The following NBAS variants were observed in gnomAD, a reference collection of about 807,000 sequenced individuals.
The protein encoded by NBAS is NBAS subunit of NRZ tethering complex.
In NBAS, 219 loss-of-function variants were observed where a neutral mutation model predicts 302.5. That is an observed-to-expected ratio of 0.72 (90% CI 0.65 to 0.81). NBAS has a LOEUF of 0.81. Among genes scored for constraint, NBAS ranks in the 30% least tolerant of loss-of-function variants. NBAS has a pLI of 0.00. For missense variants in NBAS, 2,932 were observed against 2,841.6 expected, an observed-to-expected ratio of 1.03 and a Z score of -0.72; for synonymous variants, 1,118 against 1,021.6, an observed-to-expected ratio of 1.09 and a Z score of -1.80.
At chr2:15,406,859 T>C (rs547632149) in intron 25 of NBAS, among the ~76,000 whole-genome samples, 3 of 152,286 alleles carry the variant, frequency 2.0e-5, no homozygotes, top group Admixed American at 6.5e-5. Flanking sequence ...ACCTATCACA[T>C]TGGCACAAAT....
At chr2:14,947,667 T>C in the NBAS span, among the ~76,000 whole-genome samples, 1 of 152,122 alleles carries the variant, frequency 6.6e-6, no homozygotes, top group Non-Finnish European at 1.5e-5. Flanking sequence ...TCCAGTACTA[T>C]GTTGAACACA....
chr2:15,534,218 A>G (rs1189873987), intron 9 of NBAS, among the ~76,000 whole-genome samples: 1 of 152,190 alleles, frequency 6.6e-6, no homozygotes, highest in African/African-American at 2.4e-5. Flanking sequence ...GGCACTTTAT[A>G]TATAGCACTA....
At chr2:15,361,762 T>C (rs1673938045) in intron 32 of NBAS, among the ~76,000 whole-genome samples, 1 of 152,012 alleles carries the variant, frequency 6.6e-6, no homozygotes, top group South Asian at 2.1e-4. Context: ...GCGGATCACC[T>C]GAGGTCAGGA....
At chr2:14,934,142 T>A in the NBAS span, among the ~76,000 whole-genome samples, 7 of 152,186 alleles carry the variant, frequency 4.6e-5, no homozygotes, top group Non-Finnish European at 8.8e-5. Flanking sequence ...ATTTAAATAA[T>A]GTTTATGTTA....
the NBAS span, among the ~76,000 whole-genome samples, chr2:14,900,572 C>G: frequency 1.3e-5 from 2 of 152,146 alleles, no homozygotes; most frequent in Admixed American, 1.3e-4. Context: ...TAAAGAATTC[C>G]TTCTCTTCTA....
At chr2:15,550,390 A>T (rs1040666699) in intron 6 of NBAS, among the ~76,000 whole-genome samples, 2 of 152,228 alleles carry the variant, frequency 1.3e-5, no homozygotes, top group Non-Finnish European at 2.9e-5. Flanking sequence ...CCAGGCACAC[A>T]GTAAGAACAC....
intron 47 of NBAS, among the ~76,000 whole-genome samples, chr2:15,219,990 G>C (rs1572472065): frequency 2.0e-4 from 28 of 141,488 alleles, no homozygotes; most frequent in African/African-American, 4.3e-4. Flanking sequence ...GGGCAGAGGC[G>C]CCCCTCACCT....
intron 44 of NBAS, among the ~76,000 whole-genome samples, chr2:15,247,345 C>T (rs1668137966): frequency 6.6e-6 from 1 of 152,106 alleles, no homozygotes. Flanking sequence ...CCAAAATAAC[C>T]AGCTAGCATG....
At chr2:15,071,798 A>G in the NBAS span, among the ~76,000 whole-genome samples, 1 of 152,024 alleles carries the variant, frequency 6.6e-6, no homozygotes, top group Non-Finnish European at 1.5e-5. Flanking sequence ...TTTTTTCCCA[A>G]GCAACAAATG....
chr2:15,515,469 C>G (rs1274310221), intron 9 of NBAS, among the ~76,000 whole-genome samples: 1 of 152,116 alleles, frequency 6.6e-6, no homozygotes, highest in Non-Finnish European at 1.5e-5. Context: ...TGCAGTAAGC[C>G]AAGATCGAGC....
chr2:15,192,028 T>G (rs1665382851), intron 48 of NBAS, among the ~76,000 whole-genome samples: 1 of 152,190 alleles, frequency 6.6e-6, no homozygotes, highest in Non-Finnish European at 1.5e-5. Flanking sequence ...ATGTCACCTA[T>G]CAGTCAAGGC....
chr2:15,419,541 G>A (rs1677110997), intron 23 of NBAS, among the ~76,000 whole-genome samples: 1 of 151,994 alleles, frequency 6.6e-6, no homozygotes, highest in Admixed American at 6.6e-5. Context: ...TCCCACCTCC[G>A]CAACAGAGCA....
intron 46 of NBAS, 71 bp downstream of exon 46, chr2:15,234,474 G>A: frequency 6.1e-6 from 9 of 1,479,048 alleles, no homozygotes; most frequent in South Asian, 1.1e-5. Context: ...TTACATACAG[G>A]ATGACAGTTT....
At chr2:15,017,244 C>A in the NBAS span, among the ~76,000 whole-genome samples, 1 of 151,880 alleles carries the variant, frequency 6.6e-6, no homozygotes, top group Non-Finnish European at 1.5e-5. Flanking sequence ...TACGTCAGGA[C>A]ATGGATCTGG....
At chr2:15,011,656 G>A in the NBAS span, among the ~76,000 whole-genome samples, 43 of 152,000 alleles carry the variant, frequency 2.8e-4, no homozygotes, top group Non-Finnish European at 4.7e-4. Context: ...GCCCCAACCT[G>A]AGCAATCCAG....
At position 15,232,442 on chromosome 2, in the gene NBAS, G is replaced by A. The variant is rs996937930; in HGVS notation, c.6216C>T (p.Val2072=). 1.2e-6 allele frequency: 2 copies of A among 1,613,992 alleles called. No individual in the cohort carries two copies. Among genetic ancestry groups the A allele is most frequent in the Non-Finnish European group, 1.7e-6 (2 of 1,180,028 alleles). Residue 2072 remains valine (V), a synonymous_variant, in exon 47 of 52, where the codon GTC becomes GTT. Coordinates refer to ENST00000281513, the MANE Select transcript of NBAS (RefSeq NM_015909.4). ...LKVLEGVVAA[V]HASVDKGEEL... ...CTTACCCCTTGTCCACACTGGCGTG[G>A]ACTGCTGCAACAACACCTTCCAGGA... is the stretch of plus-strand genomic sequence containing the variant.
the NBAS span, among the ~76,000 whole-genome samples, chr2:14,799,260 A>G: frequency 6.6e-6 from 1 of 152,064 alleles, no homozygotes; most frequent in Non-Finnish European, 1.5e-5. Context: ...TTGACAGGTT[A>G]TGTATTCATT....
rs761845358 is a variant in NBAS at position 15,554,135 on chromosome 2, C to T, written c.213G>A (p.Pro71=). ...LFLRQYIWYS[P]APFLLPDGLV... ...GTCCATCAGGGAGCAAAAAAGGTGC[C>T]GGGCTGAAATCACAACACATTAGTT... The change falls in exon 4 of 52, where the codon CCG becomes CCA. Residue 71 remains proline, a synonymous_variant. Transcript: ENST00000281513. 7 of 1,612,850 alleles carry T rather than the reference C, an allele frequency of 4.3e-6. No homozygotes were observed. The highest frequency in any genetic ancestry group is 4.5e-5 in the East Asian group (2 of 44,834).
the NBAS span, among the ~76,000 whole-genome samples, chr2:14,974,805 A>G: frequency 2.1e-4 from 32 of 152,174 alleles, no homozygotes; most frequent in Non-Finnish European, 4.3e-4. Flanking sequence ...TATCACTCCC[A>G]TGATTGTGTT....
Sources: gnomAD v4.1 joint callset for allele counts (sites outside exome capture counted in the v4.1 genomes callset) on GRCh38, gnomAD v4.1.1 for gene constraint, MANE v1.5 for transcripts, NCBI Gene and HGNC (gene_info 2026-07-23, HGNC 2026-07-21) for gene names.